Variants in GPHN observed in about 807,000 individuals in gnomAD.
GPHN encodes the protein gephyrin.
In GPHN, 17 loss-of-function variants were observed where a neutral mutation model predicts 95.5. The observed-to-expected ratio is 0.18, with a 90% CI of 0.12 to 0.27. The LOEUF (loss-of-function observed/expected upper bound fraction) is 0.27. Among genes scored for constraint, GPHN ranks in the 10% least tolerant of loss-of-function variants. The pLI, the probability that GPHN is intolerant of heterozygous loss-of-function variation, is 1.00. For synonymous variants in GPHN, 320 were observed against 322.5 expected, an observed-to-expected ratio of 0.99 and a Z score of 0.08; for missense variants, 660 against 978.1, an observed-to-expected ratio of 0.67 and a Z score of 4.34.
intron 1 of GPHN, among the ~76,000 whole-genome samples, chr14:66,575,866 G>T (rs1351773093): frequency 6.6e-6 from 1 of 152,118 alleles, no homozygotes; most frequent in Non-Finnish European, 1.5e-5. Context: ...TGCATCCGTG[G>T]GATGGGTCTA....
chr14:67,692,907 G>A, the GPHN span: 1 of 1,403,298 alleles, frequency 7.1e-7, no homozygotes, highest in Non-Finnish European at 1.0e-6. Context: ...GCAGTAATAG[G>A]AGGGAATTGA....
At chr14:67,338,860 C>A in the GPHN span, 2 of 1,057,798 alleles carry the variant, frequency 1.9e-6, no homozygotes, top group Non-Finnish European at 2.6e-6. Context: ...TAAACACATA[C>A]CTAGAAAAAA....
chr14:67,222,663 G>T, the GPHN span, among the ~76,000 whole-genome samples: 88 of 152,200 alleles, frequency 5.8e-4, no homozygotes, highest in Non-Finnish European at 1.0e-3. Flanking sequence ...AGCCTGTAAC[G>T]AACTTTTAAT....
chr14:66,746,800 A>C (rs1313907982), intron 2 of GPHN, among the ~76,000 whole-genome samples: 1 of 152,066 alleles, frequency 6.6e-6, no homozygotes, highest in Non-Finnish European at 1.5e-5. Flanking sequence ...ATAGGGAAAA[A>C]ATTCTACAGG....
intron 21 of GPHN, among the ~76,000 whole-genome samples, chr14:67,178,446 G>A (rs1027643212): frequency 6.6e-6 from 1 of 152,134 alleles, no homozygotes; most frequent in Non-Finnish European, 1.5e-5. Context: ...ATTTTGATGG[G>A]CTTCCCTTTG....
chr14:67,474,897 C>G, the GPHN span, among the ~76,000 whole-genome samples: 1 of 150,020 alleles, frequency 6.7e-6, no homozygotes, highest in Non-Finnish European at 1.5e-5. Context: ...TGTTGCAGCA[C>G]ATGTCAGAAT....
chr14:67,209,734 C>G, the GPHN span, among the ~76,000 whole-genome samples: 1 of 151,138 alleles, frequency 6.6e-6, no homozygotes, highest in Non-Finnish European at 1.5e-5. Flanking sequence ...AGGAGAATTG[C>G]CTGAACCCGG....
At chr14:66,702,551 A>G (rs2068656991) in intron 2 of GPHN, among the ~76,000 whole-genome samples, 1 of 152,190 alleles carries the variant, frequency 6.6e-6, no homozygotes, top group Admixed American at 6.5e-5. Flanking sequence ...CAGCAGCCAT[A>G]TAGAAGAGGG....
At chr14:66,694,841 C>G (rs1442380121) in intron 2 of GPHN, among the ~76,000 whole-genome samples, 1 of 152,066 alleles carries the variant, frequency 6.6e-6, no homozygotes, top group Non-Finnish European at 1.5e-5. Flanking sequence ...TACAAGAACT[C>G]CTAAAACTCA....
chr14:67,069,368 C>G (rs1162170163), intron 11 of GPHN, among the ~76,000 whole-genome samples: 1 of 152,078 alleles, frequency 6.6e-6, no homozygotes. Context: ...GTGAGGACTT[C>G]CTACTGCTTG....
chr14:67,161,340 T>G (rs1375369453), intron 19 of GPHN, among the ~76,000 whole-genome samples: 2 of 151,224 alleles, frequency 1.3e-5, no homozygotes, highest in Admixed American at 1.3e-4. Context: ...GGATTTTGTC[T>G]TACGCAAATA....
At chr14:66,911,326 A>C (rs756621846) in intron 5 of GPHN, among the ~76,000 whole-genome samples, 7 of 151,890 alleles carry the variant, frequency 4.6e-5, no homozygotes, top group African/African-American at 7.2e-5. Context: ...GGTGATGAAA[A>C]TGTTCTAAAA....
the GPHN span, among the ~76,000 whole-genome samples, chr14:67,480,646 G>T: frequency 1.3e-5 from 2 of 152,256 alleles, no homozygotes; most frequent in East Asian, 1.9e-4. Context: ...CCCAACTCAG[G>T]CCCCATGACC....
At chr14:66,652,897 T>C (rs1046772672) in intron 1 of GPHN, among the ~76,000 whole-genome samples, 6 of 152,172 alleles carry the variant, frequency 3.9e-5, no homozygotes, top group African/African-American at 1.4e-4. Flanking sequence ...CCTATGGTTA[T>C]GTTTTGCTGC....
At chr14:67,724,038 G>C in the GPHN span, among the ~76,000 whole-genome samples, 1 of 152,244 alleles carries the variant, frequency 6.6e-6, no homozygotes, top group East Asian at 1.9e-4. Context: ...ACCCCCCACA[G>C]AGTGCTGTTC....
the GPHN span, among the ~76,000 whole-genome samples, chr14:67,319,938 G>A: frequency 2.0e-5 from 3 of 152,086 alleles, no homozygotes; most frequent in African/African-American, 2.4e-5. Flanking sequence ...CCCTGGTACC[G>A]CATCCTTATT....
chr14:66,997,757 T>C (rs1196126492), intron 9 of GPHN, among the ~76,000 whole-genome samples: 1 of 152,170 alleles, frequency 6.6e-6, no homozygotes, highest in African/African-American at 2.4e-5. Context: ...AACTGTGAGA[T>C]TTTTTTCTCT....
chr14:66,811,496 C>T (rs2060760084), intron 3 of GPHN, among the ~76,000 whole-genome samples: 1 of 144,788 alleles, frequency 6.9e-6, no homozygotes, highest in African/African-American at 2.6e-5. Flanking sequence ...TTTTAGTAAG[C>T]ATGTATTTTA....
intron 1 of GPHN, among the ~76,000 whole-genome samples, chr14:66,527,344 C>T (rs1210599243): frequency 1.3e-5 from 2 of 150,138 alleles, no homozygotes; most frequent in African/African-American, 4.9e-5. Flanking sequence ...TTTGATTCTT[C>T]TCTCTTTTCT....
Sources: allele counts gnomAD v4.1 joint callset (sites outside exome capture counted in the v4.1 genomes callset), GRCh38; gene constraint gnomAD v4.1.1; transcripts MANE v1.5; gene names NCBI Gene and HGNC (gene_info 2026-07-23, HGNC 2026-07-21).